The following LTBP3 variants were observed in gnomAD, a reference collection of about 807,000 sequenced individuals.
LTBP3 encodes latent-transforming growth factor beta-binding protein 3.
A neutral mutation model predicts 159.7 loss-of-function variants in LTBP3; 97 were observed. The ratio of observed to expected loss-of-function variants is 0.61; its 90% CI spans 0.52 to 0.72. The LOEUF is 0.72. Among genes scored for constraint, LTBP3 ranks in the 30% least tolerant of loss-of-function variants. LTBP3 has a pLI of 0.00. For missense variants in LTBP3, 1,584 were observed against 1,864.3 expected, an observed-to-expected ratio of 0.85 and a Z score of 2.77; for synonymous variants, 824 against 777.1, an observed-to-expected ratio of 1.06 and a Z score of -1.00.
Position 65,541,176 on chromosome 11 carries a change from G to A in LTBP3, c.2843C>T (p.Ala948Val). 2 of 1,602,916 alleles carry A rather than the reference G, an allele frequency of 1.2e-6. No individual in the cohort carries two copies. The highest frequency in any genetic ancestry group is 8.5e-7 in the Non-Finnish European group (1 of 1,176,114). The change falls in exon 20 of 28, where the codon GCC becomes GTC. Residue 948 changes from alanine (A) to valine (V), a missense_variant. Physicochemically the swap from Ala to Val is moderately conservative, Grantham distance 64. Transcript: ENST00000301873. ...GATTTCGCAGTGGTCGCCCCAGCCGGCCCCCAGAGAGCAGCAGCACTCCTG... is the reference window on the plus strand; with the variant it reads ...GATTTCGCAGTGGTCGCCCCAGCCGACCCCCAGAGAGCAGCAGCACTCCTG... ...TQQECCCSLG[A>V]GWGDHCEIYP...
chr11:65,538,619 T>C lies in LTBP3; in HGVS notation c.*461A>G. 1 of 1,579,670 alleles carries C rather than the reference T, an allele frequency of 6.3e-7. No homozygotes were observed. ...GGAGAGCCCGCCCCACAGATGTATT[T>C]ATTGTACAAACCATGTGAGCCCGGC... On this transcript the variant is annotated 3_prime_UTR_variant, in exon 28 of 28. Transcript: ENST00000301873.
In LTBP3 at chr11:65,558,157, A is replaced by G; in HGVS notation, c.-198T>C. The G allele has an allele frequency of 9.3e-7, 1 of 1,074,892 alleles. No homozygotes were observed. Among genetic ancestry groups the G allele is most frequent in the Non-Finnish European group, 1.1e-6 (1 of 886,650 alleles). The allele number at this position is 1,074,892 out of a possible 1,614,324, so 66.6% of individuals were successfully genotyped here. ...GCAGACTGGACAGCGGGGAGCGCAG[A>G]AACTTCCCAGCCCCAGGACGAAGCC... is the stretch of plus-strand genomic sequence containing the variant. On this transcript the variant is annotated 5_prime_UTR_variant, in exon 1 of 28. Coordinates refer to ENST00000301873, the MANE Select transcript of LTBP3 (RefSeq NM_001130144.3).
At position 65,551,243 on chromosome 11, in the gene LTBP3, T is replaced by A; in HGVS notation, c.1622-19A>T. ...ATCAGCTCTGCGGGCGGCAGTGCACTCTGGTCAGAGACGATATTGACTGAA... is the reference window on the plus strand; with the variant it reads ...ATCAGCTCTGCGGGCGGCAGTGCACACTGGTCAGAGACGATATTGACTGAA... On this transcript the variant is annotated intron_variant, in intron 10 of 27. Coordinates refer to ENST00000301873, the MANE Select transcript of LTBP3 (RefSeq NM_001130144.3). 1 of 1,541,986 alleles carries A rather than the reference T, an allele frequency of 6.5e-7. No individual in the cohort carries two copies. The highest frequency in any genetic ancestry group is 8.7e-7 in the Non-Finnish European group (1 of 1,145,280).
In LTBP3 at chr11:65,554,396, G is replaced by A. The variant is rs200862083; in HGVS notation, c.332-16C>T. Reference sequence around the variant, plus strand: ...GGGCACACCACTGGGGAGAAGAGTGGGGTCAGGCCCTCACCCACATCCTGT... The same window carrying A: ...GGGCACACCACTGGGGAGAAGAGTGAGGTCAGGCCCTCACCCACATCCTGT... On this transcript the variant is annotated splice_polypyrimidine_tract_variant and intron_variant, in intron 1 of 27. Coordinates refer to ENST00000301873, the MANE Select transcript of LTBP3 (RefSeq NM_001130144.3). The surrounding 1 kb of genome is among the most constrained non-coding windows in gnomAD (Gnocchi z 5.3). The A allele has an allele frequency of 1.2e-5, 20 of 1,600,670 alleles. No individual in the cohort carries two copies. The East Asian group carries it at 4.3e-4, about 34-fold the overall frequency.
chr11:65,547,350 A>G lies in LTBP3; in HGVS notation c.2107+89T>C. The stretch of plus-strand genomic sequence containing the variant: ...CAGAGTGAGACTCCGTCTCGGGGGA[A>G]AAAAAAAAAAATGCAGGCACCCCAG... On this transcript the variant is annotated intron_variant, in intron 14 of 27. Coordinates refer to ENST00000301873, the MANE Select transcript of LTBP3 (RefSeq NM_001130144.3). This position sits in a 1 kb window ranked among gnomAD's most constrained non-coding sequence, Gnocchi z 4.6. 4.6e-6 allele frequency: 6 copies of G among 1,296,154 alleles called. No individual in the cohort carries two copies. Among genetic ancestry groups the G allele is most frequent in the Non-Finnish European group, 6.2e-6 (6 of 965,664 alleles). 80.3% of individuals were successfully genotyped at this position (1,296,154 alleles called of 1,614,324 possible).
intron 11 of LTBP3, among the ~76,000 whole-genome samples, chr11:65,549,866 A>G (rs974774214): frequency 6.6e-6 from 1 of 150,866 alleles, no homozygotes; most frequent in Non-Finnish European, 1.5e-5. Flanking sequence ...GGCTGTAGTG[A>G]GCCATGATCC....
chr11:65,552,470 G>T lies in LTBP3; in HGVS notation c.1187-64C>A. The T allele has an allele frequency of 6.3e-7, 1 of 1,591,172 alleles. No individual in the cohort carries two copies. The highest frequency in any genetic ancestry group is 8.5e-7 in the Non-Finnish European group (1 of 1,171,036). On this transcript the variant is annotated intron_variant, in intron 6 of 27. Coordinates refer to ENST00000301873, the MANE Select transcript of LTBP3 (RefSeq NM_001130144.3). The surrounding 1 kb of genome is among the most constrained non-coding windows in gnomAD (Gnocchi z 6.0). Reference sequence around the variant, plus strand: ...CACATTGCCCACGTCCCTCTGCCCAGCTGCTGCAGACCTTGCCTCTCCGGC... The same window carrying T: ...CACATTGCCCACGTCCCTCTGCCCATCTGCTGCAGACCTTGCCTCTCCGGC...
At position 65,539,233 on chromosome 11, in the gene LTBP3, T is replaced by G; in HGVS notation, c.3761-2A>C. On this transcript the variant is annotated splice_acceptor_variant, in intron 27 of 27. Transcript: ENST00000301873. LOFTEE classifies it high-confidence loss of function. ...TCAGCTCTCGGCACTCGTCGATATC[T>G]GAAGGTGAGGGCGACAGGTGCGGCT... 1 of 1,526,558 alleles carries G rather than the reference T, an allele frequency of 6.6e-7. No homozygotes were observed. The highest frequency in any genetic ancestry group is 2.6e-5 in the East Asian group (1 of 39,050). 94.6% of individuals were successfully genotyped at this position (1,526,558 alleles called of 1,614,324 possible).
chr11:65,543,419 T>A lies in LTBP3; in HGVS notation c.2476+8A>T. On this transcript the variant is annotated splice_region_variant and intron_variant, in intron 17 of 27. Transcript: ENST00000301873. The stretch of plus-strand genomic sequence containing the variant: ...ACAGGTCAGCACCCCAGCTCTAAGA[T>A]CCCTCACCCTCGCAGTGGCTCCGGT... 1 of 1,613,792 alleles carries A rather than the reference T, an allele frequency of 6.2e-7. No individual in the cohort carries two copies. Among genetic ancestry groups the A allele is most frequent in the Non-Finnish European group, 8.5e-7 (1 of 1,179,918 alleles).
At chr11:65,542,924 GGATA>G (rs1565091566) in intron 18 of LTBP3, 177 bp downstream of exon 18, 5 of 840,966 alleles carry the variant, frequency 5.9e-6, no homozygotes, top group Non-Finnish European at 9.6e-6. Context: ...AAGGATGGAT[GGATA>G]GAAGGATGGA....
chr11:65,555,523 C>T (rs1170593162), intron 1 of LTBP3, among the ~76,000 whole-genome samples: 2 of 152,176 alleles, frequency 1.3e-5, no homozygotes, highest in African/African-American at 4.8e-5. Flanking sequence ...CCTGCCTTAC[C>T]ACCCACTGGC....
rs1856415575 is a variant in LTBP3, at chr11:65,547,343, C to T, written c.2107+96G>A. 1 of 1,343,936 alleles carries T rather than the reference C, an allele frequency of 7.4e-7. No homozygotes were observed. The highest frequency in any genetic ancestry group is 1.0e-6 in the Non-Finnish European group (1 of 978,316). 83.3% of individuals were successfully genotyped at this position (1,343,936 alleles called of 1,614,324 possible). A position where few individuals can be genotyped will look rare whatever the true frequency, so the allele number is the denominator to read the frequency against. On this transcript the variant is annotated intron_variant, in intron 14 of 27. Coordinates refer to ENST00000301873, the MANE Select transcript of LTBP3 (RefSeq NM_001130144.3). The surrounding 1 kb of genome is among the most constrained non-coding windows in gnomAD (Gnocchi z 4.6). ...TGGGCGACAGAGTGAGACTCCGTCT[C>T]GGGGGAAAAAAAAAAAAATGCAGGC...
At chr11:65,541,415 T>C (rs903134242) in intron 19 of LTBP3, 122 bp from the exon 20 acceptor site, 24 of 1,412,852 alleles carry the variant, frequency 1.7e-5, no homozygotes, top group Admixed American at 5.2e-5. Context: ...CTCCTGAGAG[T>C]TGGCTCTGTT....
At chr11:65,548,089 CCTT>C (rs1208546953) in intron 11 of LTBP3, 44 bp from the exon 12 acceptor site, 1 of 1,612,824 alleles carries the variant, frequency 6.2e-7, no homozygotes, top group Admixed American at 1.7e-5. Context: ...GGAGCGCTCA[CCTT>C]CTGCCATATC....
chr11:65,552,733 C>A lies in LTBP3; in HGVS notation c.1186+127G>T. ...ACCCCGGACCCTGCTGATCCCTGATCCTATTGGCTCTGGGCCTTGTTCCTC... is the reference window on the plus strand; with the variant it reads ...ACCCCGGACCCTGCTGATCCCTGATACTATTGGCTCTGGGCCTTGTTCCTC... On this transcript the variant is annotated intron_variant, in intron 6 of 27. Coordinates refer to ENST00000301873, the MANE Select transcript of LTBP3 (RefSeq NM_001130144.3). This position sits in a 1 kb window ranked among gnomAD's most constrained non-coding sequence, Gnocchi z 6.0. 7.2e-7 allele frequency: 1 copy of A among 1,380,216 alleles called. No homozygotes were observed. Among genetic ancestry groups the A allele is most frequent in the South Asian group, 1.2e-5 (1 of 83,840 alleles). The allele number at this position is 1,380,216 out of a possible 1,614,324, so 85.5% of individuals were successfully genotyped here.
rs139785381 is a variant in LTBP3, at chr11:65,551,297, G to A, written c.1622-73C>T. On this transcript the variant is annotated intron_variant, in intron 10 of 27. Coordinates refer to ENST00000301873, the MANE Select transcript of LTBP3 (RefSeq NM_001130144.3). ...TCCCTTTCCACTTCAGTCTTGGCCC[G>A]GCGCCCCACCCCAGCTTGACTGTCC... The A allele has an allele frequency of 5.5e-5, 84 of 1,532,116 alleles. No individual in the cohort carries two copies. The Middle Eastern group carries it at 6.8e-4, about 12-fold the overall frequency. 94.9% of individuals were successfully genotyped at this position (1,532,116 alleles called of 1,614,324 possible).
chr11:65,554,844 C>G lies in LTBP3; in HGVS notation c.332-464G>C, dbSNP rs1382131662. 6.6e-6 allele frequency among the ~76,000 whole-genome samples: 1 copy of G among 151,820 alleles called. No homozygotes were observed. Among genetic ancestry groups the G allele is most frequent in the African/African-American group, 2.4e-5 (1 of 41,300 alleles). ...TTCTCCCATAAACCCTTCCCTCCTT[C>G]AGGCCTCAGTCCTCTCTGCCTGCTC... On this transcript the variant is annotated intron_variant, in intron 1 of 27. Transcript: ENST00000301873. The surrounding 1 kb of genome is among the most constrained non-coding windows in gnomAD (Gnocchi z 5.3).
At position 65,540,947 on chromosome 11, in the gene LTBP3, G is replaced by A. The variant is rs1300040443; in HGVS notation, c.2901C>T (p.Phe967=). Residue 967 remains phenylalanine (F), a synonymous_variant, in exon 21 of 28, where the codon TTC becomes TTT. Transcript: ENST00000301873. ...YPCPVYSSAE[F]HSLCPDGKGY... is the part of the protein sequence containing the mutation. ...CCTTTCCGTCTGGGCAGAGGCTGTG[G>A]AACTCGGCTGCAGGGGCAGGGCGGC... The A allele has an allele frequency of 2.5e-6, 4 of 1,613,276 alleles. No homozygotes were observed. Among genetic ancestry groups the A allele is most frequent in the South Asian group, 2.2e-5 (2 of 90,960 alleles).
intron 11 of LTBP3, among the ~76,000 whole-genome samples, chr11:65,549,971 G>A (rs1856539677): frequency 6.6e-6 from 1 of 152,088 alleles, no homozygotes; most frequent in Non-Finnish European, 1.5e-5. Flanking sequence ...AATATTTCTT[G>A]AGCACCTACT....
Sources: gnomAD v4.1 joint callset for allele counts (sites outside exome capture counted in the v4.1 genomes callset) on GRCh38, gnomAD v4.1.1 for gene constraint, Gnocchi (gnomAD v3.1) non-coding constraint, MANE v1.5 for transcripts, NCBI Gene and HGNC (gene_info 2026-07-23, HGNC 2026-07-21) for gene names.